CHID1: variants seen among roughly 807,000 people sequenced by gnomAD.
The protein encoded by CHID1 is chitinase domain containing 1.
In CHID1, 44 loss-of-function variants were observed where a neutral mutation model predicts 55.4. The observed-to-expected ratio is 0.79, with a 90% CI of 0.62 to 1.02. The LOEUF (loss-of-function observed/expected upper bound fraction) is 1.02, where lower values mean the gene tolerates loss of function less well. Ranked by LOEUF, CHID1 falls within the 50% of genes least tolerant of loss-of-function variation. The pLI, the probability that CHID1 is intolerant of heterozygous loss-of-function variation, is 0.00. For missense variants in CHID1, 491 were observed against 515.3 expected, an observed-to-expected ratio of 0.95 and a Z score of 0.46; for synonymous variants, 216 against 212.9, an observed-to-expected ratio of 1.01 and a Z score of -0.13.
upstream of CHID1, among the ~76,000 whole-genome samples, chr11:912,493 C>T (rs1852750550): frequency 6.6e-6 from 1 of 152,122 alleles, no homozygotes; most frequent in East Asian, 1.9e-4. Flanking sequence ...CAGCACAAAG[C>T]GGTCCGCTTC....
upstream of CHID1, chr11:910,931 C>G (rs1852635160): frequency 2.8e-6 from 2 of 721,660 alleles, no homozygotes; most frequent in Non-Finnish European, 3.4e-6. Flanking sequence ...CAGGGCTGCC[C>G]GAAAGTCGGG....
At chr11:886,921 G>A (rs1229418483) in intron 8 of CHID1, among the ~76,000 whole-genome samples, 1 of 152,222 alleles carries the variant, frequency 6.6e-6, no homozygotes, top group African/African-American at 2.4e-5. Context: ...ACATGGTTGA[G>A]CATCTCCTGG....
At chr11:889,988 C>T (rs1850684564) in intron 8 of CHID1, among the ~76,000 whole-genome samples, 1 of 152,202 alleles carries the variant, frequency 6.6e-6, no homozygotes, top group African/African-American at 2.4e-5. Flanking sequence ...CGCCCCCTCA[C>T]GATGGCTGCT....
chr11:868,878 C>G lies in CHID1; in HGVS notation c.*980G>C, dbSNP rs551889287. The G allele has an allele frequency of 6.6e-6, 1 of 152,434 alleles. No homozygotes were observed. The highest frequency in any genetic ancestry group is 2.1e-4 in the South Asian group (1 of 4,806). The allele number at this position is 152,434 out of a possible 1,614,324, so 9.4% of individuals were successfully genotyped here. On this transcript the variant is annotated 3_prime_UTR_variant, in exon 13 of 13. Coordinates refer to ENST00000323578, the MANE Select transcript of CHID1 (RefSeq NM_023947.4). ...TTCTGTCCCCCCGAGAGACCTTGCC[C>G]GGGACATGTACCCACCTATGCCCTC...
At chr11:907,479 T>G (rs1238504649) in intron 1 of CHID1, among the ~76,000 whole-genome samples, 1 of 142,388 alleles carries the variant, frequency 7.0e-6, no homozygotes, top group East Asian at 2.0e-4. Context: ...AGACTGTCTT[T>G]AAAAAAAAAA....
At chr11:913,162 A>T (rs979903757), upstream of CHID1, among the ~76,000 whole-genome samples, 42 of 149,866 alleles carry the variant, frequency 2.8e-4, no homozygotes, top group Non-Finnish European at 5.8e-4. Flanking sequence ...CAAAAAAAAA[A>T]GTATCACAAT....
At chr11:886,950 G>A (rs534202376) in intron 8 of CHID1, among the ~76,000 whole-genome samples, 1 of 152,350 alleles carries the variant, frequency 6.6e-6, no homozygotes, top group South Asian at 2.1e-4. Flanking sequence ...TCAGCTCCAT[G>A]CACGCATCCA....
intron 10 of CHID1, 174 bp downstream of exon 10, chr11:882,974 C>T: frequency 1.6e-6 from 1 of 643,286 alleles, no homozygotes; most frequent in Non-Finnish European, 2.7e-6. Flanking sequence ...ACAGTGGGGG[C>T]TGCGGTGGGG....
Position 883,153 on chromosome 11 carries a change from C to G in CHID1, c.954G>C (p.Gly318=). Residue 318 remains glycine, a synonymous_variant, in exon 10 of 13, where the codon GGG becomes GGC. Transcript: ENST00000323578. ...AGGGAGAGCCCTTGGCTCACCTGGC[C>G]CCGACAACAGGCTCACGGGCATCCT... is the stretch of plus-strand genomic sequence containing the variant. ...TSKDAREPVV[G]ARYIQTLKDH... 1 of 1,610,086 alleles carries G rather than the reference C, an allele frequency of 6.2e-7. No homozygotes were observed. The highest frequency in any genetic ancestry group is 8.5e-7 in the Non-Finnish European group (1 of 1,176,720).
rs1416954060 is a variant in CHID1 at position 875,809 on chromosome 11, C to G, written c.960-5310G>C. Among the ~76,000 whole-genome samples, 1 of 152,152 alleles carries G rather than the reference C, an allele frequency of 6.6e-6. No individual in the cohort carries two copies. Among genetic ancestry groups the G allele is most frequent in the Admixed American group, 6.5e-5 (1 of 15,272 alleles). On this transcript the variant is annotated intron_variant, in intron 10 of 12. Coordinates refer to ENST00000323578, the MANE Select transcript of CHID1 (RefSeq NM_023947.4). This position sits in a 1 kb window ranked among gnomAD's most constrained non-coding sequence, Gnocchi z 4.7. ...TGATGAGGACCACGTGCCTAAGATT[C>G]AATCCCTGCTGCTGCCGGCCTCCCA... is the stretch of plus-strand genomic sequence containing the variant.
At chr11:895,426 G>T (rs1312178427) in intron 7 of CHID1, among the ~76,000 whole-genome samples, 2 of 152,180 alleles carry the variant, frequency 1.3e-5, no homozygotes, top group Non-Finnish European at 2.9e-5. Flanking sequence ...CAGGCCCCCA[G>T]GAGACAACAT....
intron 4 of CHID1, among the ~76,000 whole-genome samples, chr11:901,689 C>T (rs1271526279): frequency 1.3e-5 from 2 of 152,192 alleles, no homozygotes; most frequent in Non-Finnish European, 2.9e-5. Context: ...GTGTGCAGCC[C>T]GGAAGTGCAA....
rs912595625 is a variant in CHID1, at chr11:875,813, C to T, written c.960-5314G>A. Among the ~76,000 whole-genome samples, 12 of 152,142 alleles carry T rather than the reference C, an allele frequency of 7.9e-5. No individual in the cohort carries two copies. Among genetic ancestry groups the T allele is most frequent in the Non-Finnish European group, 1.2e-4 (8 of 68,030 alleles). On this transcript the variant is annotated intron_variant, in intron 10 of 12. Coordinates refer to ENST00000323578, the MANE Select transcript of CHID1 (RefSeq NM_023947.4). This position sits in a 1 kb window ranked among gnomAD's most constrained non-coding sequence, Gnocchi z 4.7. ...GAGGACCACGTGCCTAAGATTCAATCCCTGCTGCTGCCGGCCTCCCAGACG... is the reference window on the plus strand; with the variant it reads ...GAGGACCACGTGCCTAAGATTCAATTCCTGCTGCTGCCGGCCTCCCAGACG...
intron 8 of CHID1, among the ~76,000 whole-genome samples, chr11:886,927 C>T (rs1850451183): frequency 6.6e-6 from 1 of 152,218 alleles, no homozygotes; most frequent in South Asian, 2.1e-4. Flanking sequence ...TTGAGCATCT[C>T]CTGGCCTGCC....
intron 10 of CHID1, among the ~76,000 whole-genome samples, chr11:873,102 T>C (rs1379370939): frequency 6.6e-6 from 1 of 152,096 alleles, no homozygotes; most frequent in Non-Finnish European, 1.5e-5. Flanking sequence ...GCCCAGGTGC[T>C]GGGTGGGGGT....
At chr11:909,831 C>T (rs887646997) in intron 1 of CHID1, among the ~76,000 whole-genome samples, 17 of 152,076 alleles carry the variant, frequency 1.1e-4, no homozygotes, top group African/African-American at 4.1e-4. Context: ...TATTTTTCTG[C>T]CGGGCAGATC....
At chr11:887,990 T>G (rs1850521245) in intron 8 of CHID1, among the ~76,000 whole-genome samples, 1 of 152,114 alleles carries the variant, frequency 6.6e-6, no homozygotes, top group Admixed American at 6.5e-5. Context: ...CCACCAGAAA[T>G]GCAGCTCCAC....
intron 1 of CHID1, among the ~76,000 whole-genome samples, chr11:905,494 AC>A (rs1388590897): frequency 6.6e-6 from 1 of 152,154 alleles, no homozygotes; most frequent in African/African-American, 2.4e-5. Flanking sequence ...ACATGGTGAA[AC>A]CCCATCTCTA....
chr11:913,113 T>C (rs1244206110), upstream of CHID1, among the ~76,000 whole-genome samples: 1 of 150,528 alleles, frequency 6.6e-6, no homozygotes, highest in African/African-American at 2.5e-5. Context: ...GTAATCCCAA[T>C]GCTTTGGGAG....
Sources: gnomAD v4.1 joint callset for allele counts (sites outside exome capture counted in the v4.1 genomes callset) on GRCh38, gnomAD v4.1.1 for gene constraint, Gnocchi (gnomAD v3.1) non-coding constraint, MANE v1.5 for transcripts, NCBI Gene and HGNC (gene_info 2026-07-23, HGNC 2026-07-21) for gene names.